Variants in GALNT13 observed in about 807,000 individuals in gnomAD.
GALNT13 encodes UDP-GalNAc:polypeptide N-acetylgalactosaminyltransferase 13.
GALNT13 carries 28 observed loss-of-function variants against 64.2 expected under a neutral mutation model. The ratio of observed to expected loss-of-function variants is 0.44; its 90% CI spans 0.32 to 0.60. The LOEUF is 0.60. Among genes scored for constraint, GALNT13 ranks in the 20% least tolerant of loss-of-function variants. The pLI, the probability that GALNT13 is intolerant of heterozygous loss-of-function variation, is 0.05. For missense variants in GALNT13, 577 were observed against 669.8 expected (o/e 0.86, Z 1.53); for synonymous variants, 214 against 224.6 (o/e 0.95, Z 0.42).
the GALNT13 span, among the ~76,000 whole-genome samples, chr2:153,230,599 T>C: frequency 6.6e-6 from 1 of 152,230 alleles, no homozygotes; most frequent in Non-Finnish European, 1.5e-5. Flanking sequence ...AGCAGTCAGA[T>C]ACTCAGAACT....
At chr2:153,861,199 G>A in the GALNT13 span, among the ~76,000 whole-genome samples, 1 of 151,974 alleles carries the variant, frequency 6.6e-6, no homozygotes, top group Non-Finnish European at 1.5e-5. Flanking sequence ...AATATACTAG[G>A]GAACCTCCAT....
chr2:154,131,501 C>T (rs1022578372), intron 3 of GALNT13, among the ~76,000 whole-genome samples: 1 of 152,170 alleles, frequency 6.6e-6, no homozygotes, highest in African/African-American at 2.4e-5. Context: ...CGCTTCTCAT[C>T]TTATGTCCAT....
At chr2:153,723,788 C>T in the GALNT13 span, among the ~76,000 whole-genome samples, 4 of 151,004 alleles carry the variant, frequency 2.6e-5, no homozygotes, top group African/African-American at 7.4e-5. Flanking sequence ...CAAACCACTG[C>T]TCAAGGAAAT....
chr2:153,176,909 C>A, the GALNT13 span, among the ~76,000 whole-genome samples: 317 of 152,038 alleles, frequency 2.1e-3, 1 homozygote, highest in African/African-American at 7.3e-3. Flanking sequence ...GCCTAGACTT[C>A]TATAACCTAT....
the GALNT13 span, among the ~76,000 whole-genome samples, chr2:153,620,436 T>C: frequency 2.6e-5 from 4 of 152,036 alleles, no homozygotes; most frequent in African/African-American, 9.7e-5. Context: ...GTAGGCATTC[T>C]TAATTGCTTT....
chr2:154,400,104 A>T (rs1054124450), intron 10 of GALNT13, among the ~76,000 whole-genome samples: 2 of 152,210 alleles, frequency 1.3e-5, no homozygotes, highest in African/African-American at 4.8e-5. Context: ...ATAATTTAAG[A>T]TGGACATTTT....
chr2:154,390,541 C>T (rs1307383581), intron 9 of GALNT13, among the ~76,000 whole-genome samples: 1 of 152,082 alleles, frequency 6.6e-6, no homozygotes, highest in Non-Finnish European at 1.5e-5. Flanking sequence ...CATCCATGTC[C>T]CTGCAAAGGA....
chr2:153,786,601 T>A, the GALNT13 span, among the ~76,000 whole-genome samples: 2 of 151,792 alleles, frequency 1.3e-5, no homozygotes, highest in Middle Eastern at 3.2e-3. Flanking sequence ...AGGAGATCAG[T>A]CTCTCCTCCT....
the GALNT13 span, among the ~76,000 whole-genome samples, chr2:153,695,655 T>G: frequency 6.6e-6 from 1 of 152,174 alleles, no homozygotes; most frequent in Admixed American, 6.5e-5. Context: ...GTGGGTATTC[T>G]CTCCCTAACA....
chr2:154,244,954 CT>C (rs1689696464), intron 6 of GALNT13, among the ~76,000 whole-genome samples: 1 of 151,826 alleles, frequency 6.6e-6, no homozygotes, highest in South Asian at 2.1e-4. Context: ...AACTCTGTCT[CT>C]GCTAAAAATA....
intron 4 of GALNT13, among the ~76,000 whole-genome samples, chr2:154,141,546 A>C (rs557001659): frequency 2.0e-5 from 3 of 152,276 alleles, no homozygotes; most frequent in Admixed American, 1.3e-4. Flanking sequence ...CAGGATCATC[A>C]AACATCACTA....
At chr2:154,033,916 G>A (rs113282977) in intron 3 of GALNT13, among the ~76,000 whole-genome samples, 9,629 of 152,172 alleles carry the variant, frequency 0.063, 403 homozygotes, top group Middle Eastern at 0.13. Context: ...TCCAGCTCTG[G>A]CGACAGAGCA....
At chr2:154,076,227 G>T (rs1700981556) in intron 3 of GALNT13, among the ~76,000 whole-genome samples, 1 of 151,836 alleles carries the variant, frequency 6.6e-6, no homozygotes, top group African/African-American at 2.4e-5. Context: ...ATTTCTGTGT[G>T]TAAGTGGTTC....
At chr2:153,392,055 G>T in the GALNT13 span, among the ~76,000 whole-genome samples, 3 of 147,728 alleles carry the variant, frequency 2.0e-5, no homozygotes, top group African/African-American at 7.4e-5. Flanking sequence ...TAATATATGT[G>T]ATTTATATAT....
the GALNT13 span, among the ~76,000 whole-genome samples, chr2:153,436,075 A>G: frequency 1.9e-3 from 294 of 152,242 alleles, 1 homozygote; most frequent in African/African-American, 6.3e-3. Context: ...TTCTGCATCT[A>G]TTGAGATAAT....
chr2:153,541,391 T>G, the GALNT13 span, among the ~76,000 whole-genome samples: 1 of 152,154 alleles, frequency 6.6e-6, no homozygotes, highest in Non-Finnish European at 1.5e-5. Flanking sequence ...AGACAGTTCT[T>G]TATAGCAGGG....
At chr2:153,849,797 C>CT in the GALNT13 span, among the ~76,000 whole-genome samples, 1 of 152,130 alleles carries the variant, frequency 6.6e-6, no homozygotes, top group African/African-American at 2.4e-5. Context: ...CAATGTGTTC[C>CT]TTTAAGTATT....
chr2:154,219,518 G>A (rs1337634802), intron 4 of GALNT13, among the ~76,000 whole-genome samples: 1 of 151,964 alleles, frequency 6.6e-6, no homozygotes, highest in Non-Finnish European at 1.5e-5. Context: ...CATACTATCT[G>A]GAAAACACAT....
the GALNT13 span, among the ~76,000 whole-genome samples, chr2:153,170,156 A>C: frequency 8.5e-5 from 13 of 152,224 alleles, no homozygotes; most frequent in Non-Finnish European, 8.8e-5. Flanking sequence ...TGATCATAGC[A>C]AGGTCAAATT....
Sources: gnomAD v4.1 joint callset for allele counts (sites outside exome capture counted in the v4.1 genomes callset) on GRCh38, gnomAD v4.1.1 for gene constraint, MANE v1.5 for transcripts, NCBI Gene and HGNC (gene_info 2026-07-23, HGNC 2026-07-21) for gene names.